ZC3H14: variants seen among roughly 807,000 people sequenced by gnomAD.
ZC3H14 encodes the protein zinc finger CCCH-type containing 14.
In ZC3H14, 31 loss-of-function variants were observed where a neutral mutation model predicts 92.4. That is an observed-to-expected ratio of 0.34 (90% CI 0.25 to 0.45). The LOEUF is 0.45. Ranked by LOEUF, ZC3H14 falls within the 20% of genes least tolerant of loss-of-function variation. The probability of loss-of-function intolerance (pLI) is 1.00; values close to 1 mark genes in which losing one functional copy is unlikely to be tolerated. For synonymous variants in ZC3H14, 321 were observed against 300.9 expected (o/e 1.07, Z -0.69); for missense variants, 781 against 897.3 (o/e 0.87, Z 1.66).
chr14:88,587,740 A>T lies in ZC3H14; in HGVS notation c.1280-8994A>T, dbSNP rs1015887527. ...GTGGGAGATTTGCTTGAGCCTAGGA[A>T]TTTGAGGCCAGCGTGGGCAACATAG... On this transcript the variant is annotated intron_variant, in intron 9 of 16. Coordinates refer to ENST00000251038, the MANE Select transcript of ZC3H14 (RefSeq NM_024824.5). 3.6e-4 allele frequency among the ~76,000 whole-genome samples: 55 copies of T among 151,964 alleles called. 1 individual carries two copies. The highest frequency in any genetic ancestry group is 3.3e-3 in the Admixed American group (51 of 15,242).
At chr14:88,609,485 A>G in intron 14 of ZC3H14, 82 bp downstream of exon 14, 2 of 1,603,296 alleles carry the variant, frequency 1.2e-6, no homozygotes, top group East Asian at 2.2e-5. Flanking sequence ...TGAACAAACA[A>G]AAGATGGTTT....
chr14:88,583,240 T>TC (rs1428181610), intron 9 of ZC3H14, among the ~76,000 whole-genome samples: 1 of 151,848 alleles, frequency 6.6e-6, no homozygotes, highest in African/African-American at 2.4e-5. Context: ...CAAATGATCC[T>TC]CCCACCTCAG....
intron 2 of ZC3H14, among the ~76,000 whole-genome samples, chr14:88,565,318 T>G (rs1364587216): frequency 1.3e-5 from 2 of 151,894 alleles, no homozygotes; most frequent in Middle Eastern, 3.2e-3. Flanking sequence ...ATTTTTTGTA[T>G]TTTTAGTAGA....
chr14:88,606,197 ATT>A (rs1385731501), intron 12 of ZC3H14, among the ~76,000 whole-genome samples: 1 of 152,196 alleles, frequency 6.6e-6, no homozygotes, highest in East Asian at 1.9e-4. Flanking sequence ...CAGCATTACA[ATT>A]TCGATGAAGG....
intron 6 of ZC3H14, chr14:88,574,179 G>T (rs2080863863): frequency 6.5e-6 from 1 of 154,074 alleles, no homozygotes. Flanking sequence ...TAAAATAAAT[G>T]TAAAGTTCTA....
In ZC3H14 at chr14:88,627,252, T is replaced by G; in HGVS notation, c.*15501T>G. ...TTATCTTCGCTCCATTAACTTTTCT[T>G]TATATAACGTAAATGTTTTGTCTAA... On this transcript the variant is annotated 3_prime_UTR_variant, in exon 17 of 17. Transcript: ENST00000251038. 1.7e-6 allele frequency: 1 copy of G among 583,928 alleles called. No homozygotes were observed. The highest frequency in any genetic ancestry group is 2.8e-5 in the East Asian group (1 of 35,154). 36.2% of individuals were successfully genotyped at this position (583,928 alleles called of 1,614,324 possible).
At chr14:88,609,034 C>G (rs2086094404) in intron 13 of ZC3H14, 1 of 524,306 alleles carries the variant, frequency 1.9e-6, no homozygotes, top group African/African-American at 1.9e-5. Flanking sequence ...GCTTGTCTTT[C>G]TTGGTGGCTT....
At chr14:88,572,480 A>G in intron 5 of ZC3H14, 98 bp from the exon 6 acceptor site, 1 of 1,454,742 alleles carries the variant, frequency 6.9e-7, no homozygotes, top group Non-Finnish European at 9.5e-7. Context: ...GAGTATCCTC[A>G]GTTTTTTCAT....
intron 3 of ZC3H14, among the ~76,000 whole-genome samples, chr14:88,569,639 T>C (rs541539633): frequency 6.6e-6 from 1 of 152,088 alleles, no homozygotes; most frequent in East Asian, 1.9e-4. Flanking sequence ...TGAAAGGTGA[T>C]GATGTAGCAG....
At chr14:88,565,999 C>G (rs923546397) in intron 2 of ZC3H14, among the ~76,000 whole-genome samples, 3 of 110,596 alleles carry the variant, frequency 2.7e-5, no homozygotes, top group Non-Finnish European at 5.4e-5. Flanking sequence ...TCCCGAGTAG[C>G]TGGGATTACA....
chr14:88,594,036 C>T (rs1382609989), intron 9 of ZC3H14, among the ~76,000 whole-genome samples: 1 of 152,158 alleles, frequency 6.6e-6, no homozygotes, highest in Admixed American at 6.5e-5. Context: ...TGAATTCTGT[C>T]ATTACCACAT....
Position 88,602,885 on chromosome 14 carries a change from T to G in ZC3H14, c.1572T>G (p.Gly524=). Residue 524 remains glycine, a synonymous_variant, in exon 12 of 17, where the codon GGT becomes GGG. Transcript: ENST00000251038. ...CCAAGTTTATAGTGACGCTGGATGG[T>G]GTCCCCAGCCCCCCAGGATACATGT... ...ASPKFIVTLD[G]VPSPPGYMSD... 3.1e-6 allele frequency: 5 copies of G among 1,614,142 alleles called. No homozygotes were observed. The highest frequency in any genetic ancestry group is 4.2e-6 in the Non-Finnish European group (5 of 1,180,018).
Position 88,618,777 on chromosome 14 carries a change from G to T in ZC3H14, c.*7026G>T. ...ATAAAAATCCACTGAGTTCTCACTA[G>T]AACCTACTGCCAGATACCGGGAATC... On this transcript the variant is annotated 3_prime_UTR_variant, in exon 17 of 17. Transcript: ENST00000251038. 2 of 1,598,510 alleles carry T rather than the reference G, an allele frequency of 1.3e-6. No homozygotes were observed. Among genetic ancestry groups the T allele is most frequent in the Non-Finnish European group, 8.5e-7 (1 of 1,171,326 alleles).
intron 2 of ZC3H14, among the ~76,000 whole-genome samples, chr14:88,565,917 G>A (rs1342397375): frequency 2.0e-5 from 3 of 149,932 alleles, no homozygotes; most frequent in Admixed American, 6.7e-5. Flanking sequence ...GTTCGGGCTG[G>A]AGTGCAGTGG....
chr14:88,613,077 CA>C lies in ZC3H14; in HGVS notation c.*1327del, dbSNP rs1398852091. ...CTCACGTTTAAGATTGTCAAGCCAG[CA>C]GTCTACTGTTGTGTTGCCATTGCTT... On this transcript the variant is annotated 3_prime_UTR_variant, in exon 17 of 17. Transcript: ENST00000251038. 1 of 152,296 alleles carries C rather than the reference CA, an allele frequency of 6.6e-6. No individual in the cohort carries two copies. Among genetic ancestry groups the C allele is most frequent in the Non-Finnish European group, 1.5e-5 (1 of 68,026 alleles). 9.4% of individuals were successfully genotyped at this position (152,296 alleles called of 1,614,324 possible).
Position 88,572,320 on chromosome 14 carries a change from ATTT to A in ZC3H14, c.431+98_431+100del, listed in dbSNP as rs2080534870. 3 of 1,397,572 alleles carry A rather than the reference ATTT, an allele frequency of 2.1e-6. No individual in the cohort carries two copies. The South Asian group carries it at 3.8e-5, about 18-fold the overall frequency. 86.6% of individuals were successfully genotyped at this position (1,397,572 alleles called of 1,614,324 possible). ...ATCTTTCAGTTTGCTGTTCTCAGCA[ATTT>A]TTAGAAACAATGAAGTGATCGTGAG... On this transcript the variant is annotated intron_variant, in intron 5 of 16. Coordinates refer to ENST00000251038, the MANE Select transcript of ZC3H14 (RefSeq NM_024824.5).
intron 2 of ZC3H14, among the ~76,000 whole-genome samples, chr14:88,564,973 T>G: frequency 6.6e-6 from 1 of 152,188 alleles, no homozygotes; most frequent in East Asian, 1.9e-4. Flanking sequence ...AGATATTTAC[T>G]TGAAAGTGAG....
rs1217842256 is a variant in ZC3H14 at position 88,601,901 on chromosome 14, T to C, written c.1355-23T>C. ...TAAGGTATATTCAAAAGTAAACATT[T>C]GTGGCCAATTTTTTTGGCTCAGATT... On this transcript the variant is annotated intron_variant, in intron 10 of 16. Coordinates refer to ENST00000251038, the MANE Select transcript of ZC3H14 (RefSeq NM_024824.5). The C allele has an allele frequency of 1.9e-6, 3 of 1,613,530 alleles. No individual in the cohort carries two copies. In the East Asian group the frequency reaches 6.7e-5, roughly 36 times the overall value.
rs1177720679 is a variant in ZC3H14, at chr14:88,627,500, A to G, written c.*15749A>G. The G allele has an allele frequency of 9.9e-6, 7 of 703,792 alleles. No homozygotes were observed. The Admixed American group carries it at 2.1e-4, about 22-fold the overall frequency. 43.6% of individuals were successfully genotyped at this position (703,792 alleles called of 1,614,324 possible). The stretch of plus-strand genomic sequence containing the variant: ...TGGGCTTTTAAAGTGAAATATACCT[A>G]CAGTACCACTGTGTACAGTATATTG... On this transcript the variant is annotated 3_prime_UTR_variant, in exon 17 of 17. Coordinates refer to ENST00000251038, the MANE Select transcript of ZC3H14 (RefSeq NM_024824.5).
Sources: allele counts gnomAD v4.1 joint callset (sites outside exome capture counted in the v4.1 genomes callset), GRCh38; gene constraint gnomAD v4.1.1; transcripts MANE v1.5; gene names NCBI Gene and HGNC (gene_info 2026-07-23, HGNC 2026-07-21).